The following CPNE3 variants were observed in gnomAD, a reference collection of about 807,000 sequenced individuals.
CPNE3 encodes copine 3.
Under a neutral mutation model 63.9 loss-of-function variants are expected in CPNE3, and 68 were observed. That is an observed-to-expected ratio of 1.06 (90% confidence interval 0.87 to 1.30). The LOEUF is 1.30. Among genes scored for constraint, CPNE3 ranks in the 50% most tolerant of loss-of-function variants. CPNE3 has a pLI of 0.00. For synonymous variants in CPNE3, 219 were observed against 197.5 expected (o/e 1.11, Z -0.91); for missense variants, 665 against 578.1 (o/e 1.15, Z -1.54).
chr8:86,535,454 G>A (rs1377196441), intron 6 of CPNE3, among the ~76,000 whole-genome samples: 1 of 152,042 alleles, frequency 6.6e-6, no homozygotes, highest in Non-Finnish European at 1.5e-5. Context: ...GAACACTTGA[G>A]GTCAGGAGTT....
intron 2 of CPNE3, among the ~76,000 whole-genome samples, chr8:86,517,756 G>A (rs1386747185): frequency 6.6e-6 from 1 of 152,196 alleles, no homozygotes; most frequent in Non-Finnish European, 1.5e-5. Flanking sequence ...CCTTCCTGCA[G>A]TGTAACTAAC....
chr8:86,549,848 G>C (rs1166910070), intron 12 of CPNE3, among the ~76,000 whole-genome samples: 4 of 152,186 alleles, frequency 2.6e-5, no homozygotes, highest in African/African-American at 9.7e-5. Context: ...GCATGATTCA[G>C]AAGTGGCTGG....
At chr8:86,556,825 C>T (rs967310060) in intron 16 of CPNE3, among the ~76,000 whole-genome samples, 2 of 152,146 alleles carry the variant, frequency 1.3e-5, no homozygotes, top group African/African-American at 4.8e-5. Flanking sequence ...CTACTTCTAG[C>T]CCTTCCTTAA....
At position 86,558,291 on chromosome 8, in the gene CPNE3, C is replaced by G. The variant is rs751521587; in HGVS notation, c.1495C>G (p.Pro499Ala). 2 of 872,878 alleles carry G rather than the reference C, an allele frequency of 2.3e-6. No homozygotes were observed. The highest frequency in any genetic ancestry group is 2.6e-5 in the South Asian group (2 of 76,530). 54.1% of individuals were successfully genotyped at this position (872,878 alleles called of 1,614,324 possible). Reference protein sequence around the residue: ...FVPFRQFQNAPKEALAQCVLA... With the variant: ...FVPFRQFQNAAKEALAQCVLA... ...CTTTTATTTTGTTTTTCACAAGGCT[C>G]CAAAAGAAGCACTTGCTCAGTGTGT... The change falls in exon 17 of 17, where the codon CCA becomes GCA. Residue 499 changes from proline (P) to alanine (A), a missense_variant. By Grantham distance (27) the Pro-to-Ala change is conservative (BLOSUM62 -1). Coordinates refer to ENST00000517490, the MANE Select transcript of CPNE3 (RefSeq NM_003909.5).
chr8:86,554,980 C>T lies in CPNE3; in HGVS notation c.1250C>T (p.Ala417Val), dbSNP rs1821287833. Reference protein sequence around the residue: ...FAAAATQQQTASQYFVLLIIT... With the variant: ...FAAAATQQQTVSQYFVLLIIT... ...GCTGCAGCCACGCAACAGCAGACAG[C>T]TTCTGTAAGTGCTCTATGGCCAGGG... The change falls in exon 15 of 17, where the codon GCT (alanine) becomes GTT (valine). Residue 417 changes from alanine (A) to valine (V), a missense_variant. Transcript: ENST00000517490. 1 of 1,613,898 alleles carries T rather than the reference C, an allele frequency of 6.2e-7. No homozygotes were observed. Among genetic ancestry groups the T allele is most frequent in the Admixed American group, 1.7e-5 (1 of 59,984 alleles).
chr8:86,558,264 C>T, intron 16 of CPNE3, 24 bp from the exon 17 acceptor site: 1 of 872,556 alleles, frequency 1.1e-6, no homozygotes, highest in Non-Finnish European at 2.0e-6. Context: ...CTAATAAAGT[C>T]ACTTTTATTT....
intron 4 of CPNE3, among the ~76,000 whole-genome samples, chr8:86,530,526 T>G (rs1820651847): frequency 6.6e-6 from 1 of 152,070 alleles, no homozygotes; most frequent in Admixed American, 6.6e-5. Flanking sequence ...AGGTTTCAGC[T>G]AAGTGATTTG....
intron 2 of CPNE3, among the ~76,000 whole-genome samples, chr8:86,526,792 G>A (rs542814328): frequency 6.6e-5 from 10 of 152,134 alleles, no homozygotes; most frequent in Admixed American, 2.0e-4. Context: ...GAGTACAGGT[G>A]TGAGCTGCCG....
chr8:86,517,717 T>C (rs1820345650), intron 2 of CPNE3, among the ~76,000 whole-genome samples: 1 of 152,242 alleles, frequency 6.6e-6, no homozygotes, highest in East Asian at 1.9e-4. Context: ...ATACTATATA[T>C]GTTACTTATT....
At chr8:86,551,542 A>T in intron 14 of CPNE3, 2 of 235,704 alleles carry the variant, frequency 8.5e-6, no homozygotes, top group Non-Finnish European at 1.6e-5. Flanking sequence ...GTAGATCAGT[A>T]AAAATATCAT....
chr8:86,546,695 G>C lies in CPNE3; in HGVS notation c.819+14G>C, dbSNP rs760191011. ...AAACAGTGTGAGGTCCGTTGGCCTT[G>C]GCTACTTATTTTTATTTATTTATTT... On this transcript the variant is annotated intron_variant, in intron 10 of 16. Transcript: ENST00000517490. The C allele has an allele frequency of 2.5e-5, 39 of 1,581,196 alleles. No individual in the cohort carries two copies. Among genetic ancestry groups the C allele is most frequent in the Non-Finnish European group, 3.1e-5 (36 of 1,170,868 alleles).
At chr8:86,517,842 A>G (rs1420910716) in intron 2 of CPNE3, among the ~76,000 whole-genome samples, 1 of 152,250 alleles carries the variant, frequency 6.6e-6, no homozygotes, top group Non-Finnish European at 1.5e-5. Flanking sequence ...CCTGACACAC[A>G]GTAGGCAATC....
At chr8:86,523,654 C>T (rs552260022) in intron 2 of CPNE3, among the ~76,000 whole-genome samples, 2 of 152,250 alleles carry the variant, frequency 1.3e-5, no homozygotes, top group East Asian at 1.9e-4. Context: ...GGTACCATCT[C>T]GGCTCACTGC....
chr8:86,516,291 G>A (rs1820308769), intron 2 of CPNE3, among the ~76,000 whole-genome samples: 1 of 152,188 alleles, frequency 6.6e-6, no homozygotes, highest in Admixed American at 6.5e-5. Flanking sequence ...TCCAGGACGG[G>A]AGAAACAGAA....
chr8:86,558,542 T>A lies in CPNE3; in HGVS notation c.*132T>A, dbSNP rs1821372439. The A allele has an allele frequency of 1.4e-6, 1 of 703,370 alleles. No homozygotes were observed. The highest frequency in any genetic ancestry group is 2.5e-6 in the Non-Finnish European group (1 of 398,828). The allele number at this position is 703,370 out of a possible 1,614,324, so 43.6% of individuals were successfully genotyped here. On this transcript the variant is annotated 3_prime_UTR_variant, in exon 17 of 17. Coordinates refer to ENST00000517490, the MANE Select transcript of CPNE3 (RefSeq NM_003909.5). ...AATCTCTTTCTCTATGGATTATATCTGTTTAAAGCATTCTTTCTAGGTTAT... is the reference window on the plus strand; with the variant it reads ...AATCTCTTTCTCTATGGATTATATCAGTTTAAAGCATTCTTTCTAGGTTAT...
At chr8:86,518,621 T>G (rs527876506) in intron 2 of CPNE3, among the ~76,000 whole-genome samples, 3 of 152,298 alleles carry the variant, frequency 2.0e-5, no homozygotes, top group African/African-American at 7.2e-5. Flanking sequence ...CTTTTTTTCT[T>G]AAGCCAGTCA....
At chr8:86,519,521 T>C (rs2131419111) in intron 2 of CPNE3, among the ~76,000 whole-genome samples, 1 of 152,356 alleles carries the variant, frequency 6.6e-6, no homozygotes, top group Non-Finnish European at 1.5e-5. Context: ...CCATGATAGA[T>C]GCTAAGAGCT....
At chr8:86,523,562 A>T (rs114066036) in intron 2 of CPNE3, among the ~76,000 whole-genome samples, 109 of 152,308 alleles carry the variant, frequency 7.2e-4, no homozygotes, top group African/African-American at 2.5e-3. Context: ...CAACAGCTGT[A>T]TGAATGAAGT....
In CPNE3 at chr8:86,537,931, G is replaced by C. The variant is rs973522134; in HGVS notation, c.543+285G>C. Among the ~76,000 whole-genome samples, 5 of 151,708 alleles carry C rather than the reference G, an allele frequency of 3.3e-5. 1 individual carries two copies. Among genetic ancestry groups the C allele is most frequent in the Admixed American group, 3.3e-4 (5 of 15,234 alleles). ...AATGAACACACACTCCCACATACTT[G>C]TGCTCTCTGTCTTTCTCTATCTCTG... On this transcript the variant is annotated intron_variant, in intron 7 of 16. Coordinates refer to ENST00000517490, the MANE Select transcript of CPNE3 (RefSeq NM_003909.5).
Sources: allele counts gnomAD v4.1 joint callset (sites outside exome capture counted in the v4.1 genomes callset), GRCh38; gene constraint gnomAD v4.1.1; transcripts MANE v1.5; gene names NCBI Gene and HGNC (gene_info 2026-07-23, HGNC 2026-07-21).